Variants in PCDH9 observed in about 807,000 individuals in gnomAD.
PCDH9 encodes the protein protocadherin 9, also known as protocadherin-9.
Under a neutral mutation model 70.6 loss-of-function variants are expected in PCDH9, and 24 were observed. That is an observed-to-expected ratio of 0.34 (90% CI 0.25 to 0.48). The LOEUF (loss-of-function observed/expected upper bound fraction) is 0.48, where lower values mean the gene tolerates loss of function less well. Ranked by LOEUF, PCDH9 falls within the 20% of genes least tolerant of loss-of-function variation. The pLI is 0.99. For missense variants in PCDH9, 1,281 were observed against 1,503.6 expected (o/e 0.85, Z 2.45); for synonymous variants, 562 against 558.5 (o/e 1.01, Z -0.09).
At chr13:66,836,780 G>C (rs1179191633) in intron 3 of PCDH9, among the ~76,000 whole-genome samples, 2 of 152,024 alleles carry the variant, frequency 1.3e-5, no homozygotes, top group South Asian at 2.1e-4. Context: ...TGTTACAATC[G>C]GTGGGTAAAA....
chr13:67,139,034 A>C (rs542044056), intron 2 of PCDH9, among the ~76,000 whole-genome samples: 21 of 152,324 alleles, frequency 1.4e-4, no homozygotes, highest in Non-Finnish European at 2.1e-4. Context: ...TGTATCAGGA[A>C]GGAAATGCCA....
At chr13:66,810,304 T>A (rs2080481837) in intron 3 of PCDH9, among the ~76,000 whole-genome samples, 1 of 152,054 alleles carries the variant, frequency 6.6e-6, no homozygotes. Flanking sequence ...CTACATGATA[T>A]TTTTAATAAT....
chr13:66,408,758 G>A (rs1169371553), intron 4 of PCDH9, among the ~76,000 whole-genome samples: 2 of 151,344 alleles, frequency 1.3e-5, no homozygotes, highest in African/African-American at 2.4e-5. Context: ...AATTATGGAA[G>A]TCACATACAC....
At chr13:66,739,657 C>A (rs1229387808) in intron 3 of PCDH9, among the ~76,000 whole-genome samples, 1 of 151,730 alleles carries the variant, frequency 6.6e-6, no homozygotes, top group Non-Finnish European at 1.5e-5. Context: ...ATCTACCAAG[C>A]AAATGGAAAA....
At chr13:66,465,345 T>C (rs1267611074) in intron 4 of PCDH9, among the ~76,000 whole-genome samples, 1 of 151,870 alleles carries the variant, frequency 6.6e-6, no homozygotes, top group Non-Finnish European at 1.5e-5. Context: ...GGATTAGAAA[T>C]CATTTAAATC....
Position 66,563,128 on chromosome 13 carries a change from G to A in PCDH9, c.3340+68082C>T, listed in dbSNP as rs541278765. Among the ~76,000 whole-genome samples the A allele has an allele frequency of 6.2e-4, 94 of 152,182 alleles. 1 individual carries two copies. Among genetic ancestry groups the A allele is most frequent in the South Asian group, 1.5e-3 (7 of 4,800 alleles). Reference sequence around the variant, plus strand: ...ATTGCCATGTTGTCTTGACTTTGTTGTGTTGTATGTTCTATCTTTTCTTAT... The same window carrying A: ...ATTGCCATGTTGTCTTGACTTTGTTATGTTGTATGTTCTATCTTTTCTTAT... On this transcript the variant is annotated intron_variant, in intron 4 of 4. Coordinates refer to ENST00000377865, the MANE Select transcript of PCDH9 (RefSeq NM_203487.3).
At chr13:67,134,591 T>C (rs577822890) in intron 2 of PCDH9, among the ~76,000 whole-genome samples, 1 of 152,218 alleles carries the variant, frequency 6.6e-6, no homozygotes, top group African/African-American at 2.4e-5. Flanking sequence ...AAGCTTGTTT[T>C]TCTTCCTTTC....
chr13:67,107,910 G>A (rs374788273), intron 2 of PCDH9, among the ~76,000 whole-genome samples: 11 of 152,316 alleles, frequency 7.2e-5, no homozygotes, highest in African/African-American at 2.6e-4. Flanking sequence ...GTGTCTCCAA[G>A]CTTCTGGGTG....
chr13:66,699,521 GAC>G (rs1182285769), intron 3 of PCDH9, among the ~76,000 whole-genome samples: 4 of 152,110 alleles, frequency 2.6e-5, no homozygotes, highest in Non-Finnish European at 5.9e-5. Context: ...ACATAGAGGA[GAC>G]ACAGAGAGAA....
chr13:66,309,834 C>G (rs1387239280), intron 4 of PCDH9, among the ~76,000 whole-genome samples: 1 of 151,472 alleles, frequency 6.6e-6, no homozygotes, highest in Non-Finnish European at 1.5e-5. Context: ...CATGTGTAAT[C>G]ATGTGCATCT....
At chr13:66,922,988 A>G (rs1566295355) in intron 2 of PCDH9, among the ~76,000 whole-genome samples, 1 of 151,510 alleles carries the variant, frequency 6.6e-6, no homozygotes, top group Admixed American at 6.6e-5. Flanking sequence ...ATTTAGTTTT[A>G]TCTTATCACA....
chr13:66,717,447 G>A, intron 3 of PCDH9, among the ~76,000 whole-genome samples: 2 of 46,048 alleles, frequency 4.3e-5, no homozygotes, highest in Admixed American at 4.2e-4. Flanking sequence ...GCAAGACTCT[G>A]TCTCAAAAAA....
At chr13:66,506,394 AC>A (rs1265005717) in intron 4 of PCDH9, among the ~76,000 whole-genome samples, 5 of 152,188 alleles carry the variant, frequency 3.3e-5, no homozygotes, top group Non-Finnish European at 7.4e-5. Flanking sequence ...CTTCCCTCTT[AC>A]CGTGGAAGAC....
chr13:66,458,683 T>C (rs527900424), intron 4 of PCDH9, among the ~76,000 whole-genome samples: 3 of 152,172 alleles, frequency 2.0e-5, no homozygotes, highest in African/African-American at 7.2e-5. Context: ...AAAAATCTTA[T>C]TCAAGACAGT....
At chr13:66,698,908 TTTTTTTTTTG>T (rs1463953684) in intron 3 of PCDH9, among the ~76,000 whole-genome samples, 6 of 125,770 alleles carry the variant, frequency 4.8e-5, no homozygotes, top group South Asian at 3.0e-4. Context: ...TTTTTTTTTT[TTTTTTTTTTG>T]TTGTTGTTGT....
At chr13:66,570,989 C>CT (rs1444201239) in intron 4 of PCDH9, among the ~76,000 whole-genome samples, 1 of 151,924 alleles carries the variant, frequency 6.6e-6, no homozygotes, top group Non-Finnish European at 1.5e-5. Context: ...TCTGAATGAA[C>CT]TATTCAATAA....
At chr13:66,983,548 G>T (rs1176760593) in intron 2 of PCDH9, among the ~76,000 whole-genome samples, 1 of 152,144 alleles carries the variant, frequency 6.6e-6, no homozygotes, top group African/African-American at 2.4e-5. Flanking sequence ...AGGTAATTGG[G>T]AACTGATTAT....
intron 4 of PCDH9, among the ~76,000 whole-genome samples, chr13:66,313,101 G>A (rs1955591958): frequency 6.6e-6 from 1 of 152,162 alleles, no homozygotes; most frequent in South Asian, 2.1e-4. Flanking sequence ...TTGCTGTAAA[G>A]AAAAGTTTCT....
intron 3 of PCDH9, among the ~76,000 whole-genome samples, chr13:66,873,417 A>T (rs1240051444): frequency 6.6e-6 from 1 of 152,144 alleles, no homozygotes; most frequent in Admixed American, 6.6e-5. Flanking sequence ...AAACAATCCA[A>T]TTTATTTTTA....
Sources: gnomAD v4.1 joint callset for allele counts (sites outside exome capture counted in the v4.1 genomes callset) on GRCh38, gnomAD v4.1.1 for gene constraint, MANE v1.5 for transcripts, NCBI Gene and HGNC (gene_info 2026-07-23, HGNC 2026-07-21) for gene names.